Variants in USH2A observed in about 807,000 individuals in gnomAD.
USH2A encodes usherin.
USH2A carries 443 observed loss-of-function variants against 538.9 expected under a neutral mutation model. That is an observed-to-expected ratio of 0.82 (90% CI 0.76 to 0.89). USH2A has a LOEUF of 0.89. Among genes scored for constraint, USH2A ranks in the 40% least tolerant of loss-of-function variants. USH2A has a pLI of 0.00. For missense variants in USH2A, 6,633 were observed against 6,324.8 expected, an observed-to-expected ratio of 1.05 and a Z score of -1.65; for synonymous variants, 2,413 against 2,273.5, an observed-to-expected ratio of 1.06 and a Z score of -1.75.
At chr1:215,820,303 A>T (rs1294483444) in intron 47 of USH2A, among the ~76,000 whole-genome samples, 1 of 151,162 alleles carries the variant, frequency 6.6e-6, no homozygotes, top group African/African-American at 2.4e-5. Context: ...ACACACACAC[A>T]GCCCACATAC....
chr1:215,996,560 GTTTTTTTTTTTTTTTTTTT>G (rs753233925), intron 34 of USH2A, among the ~76,000 whole-genome samples: 5 of 51,718 alleles, frequency 9.7e-5, no homozygotes, highest in Admixed American at 9.6e-4. Flanking sequence ...AACATATTAT[GTTTTTTTTTTTTTTTTTTT>G]TTTTTTTTTT....
At chr1:215,915,298 C>T (rs1311087790) in intron 38 of USH2A, among the ~76,000 whole-genome samples, 1 of 152,050 alleles carries the variant, frequency 6.6e-6, no homozygotes, top group African/African-American at 2.4e-5. Context: ...TAGCTAGCCT[C>T]CTTTCCCTAC....
chr1:216,231,298 G>C (rs557537278), intron 14 of USH2A, among the ~76,000 whole-genome samples: 15 of 71,724 alleles, frequency 2.1e-4, no homozygotes, highest in African/African-American at 2.8e-4. Flanking sequence ...GAGACAGAGA[G>C]AGAGAGAGAG....
chr1:216,316,422 G>A (rs571291952), intron 9 of USH2A, among the ~76,000 whole-genome samples: 1 of 152,218 alleles, frequency 6.6e-6, no homozygotes, highest in East Asian at 1.9e-4. Context: ...CATCAGTTTT[G>A]CTTTAGGAGG....
intron 61 of USH2A, among the ~76,000 whole-genome samples, chr1:215,688,085 G>A (rs945806390): frequency 7.6e-6 from 1 of 132,368 alleles, no homozygotes; most frequent in Non-Finnish European, 1.7e-5. Flanking sequence ...AAGAGTGAAT[G>A]AAATTCTTGA....
intron 49 of USH2A, among the ~76,000 whole-genome samples, chr1:215,812,770 A>C (rs2102792114): frequency 6.7e-6 from 1 of 148,702 alleles, no homozygotes; most frequent in African/African-American, 2.5e-5. Flanking sequence ...ATAAATTGTA[A>C]CTGACAGTGG....
intron 62 of USH2A, among the ~76,000 whole-genome samples, chr1:215,677,218 C>T (rs760856657): frequency 1.3e-5 from 2 of 152,150 alleles, no homozygotes; most frequent in Non-Finnish European, 1.5e-5. Flanking sequence ...TGAAATATCT[C>T]TGTACCTACT....
intron 3 of USH2A, among the ~76,000 whole-genome samples, chr1:216,397,172 A>G (rs913786684): frequency 6.6e-6 from 1 of 152,230 alleles, no homozygotes; most frequent in African/African-American, 2.4e-5. Context: ...TAGTAGAGGA[A>G]CAATTTCAAA....
intron 56 of USH2A, among the ~76,000 whole-genome samples, chr1:215,766,308 T>A (rs1291680863): frequency 6.6e-6 from 1 of 152,190 alleles, no homozygotes; most frequent in South Asian, 2.1e-4. Context: ...CAGATCTTTC[T>A]CCTATCACTT....
intron 4 of USH2A, among the ~76,000 whole-genome samples, chr1:216,335,792 C>T (rs2102671170): frequency 1.3e-5 from 2 of 151,482 alleles, no homozygotes; most frequent in Admixed American, 1.3e-4. Flanking sequence ...TTAAAAATTT[C>T]CACAAAGAAA....
intron 11 of USH2A, among the ~76,000 whole-genome samples, chr1:216,267,493 A>G (rs2036496630): frequency 6.6e-6 from 1 of 152,122 alleles, no homozygotes; most frequent in Non-Finnish European, 1.5e-5. Context: ...AAATGGAAAC[A>G]ATAGCATGTC....
intron 15 of USH2A, among the ~76,000 whole-genome samples, chr1:216,210,857 T>G (rs2035225610): frequency 6.6e-6 from 1 of 152,096 alleles, no homozygotes; most frequent in Admixed American, 6.5e-5. Flanking sequence ...GGCACACACC[T>G]GTAATCCCAG....
intron 36 of USH2A, among the ~76,000 whole-genome samples, chr1:215,967,292 C>T (rs191247848): frequency 9.9e-5 from 15 of 152,234 alleles, no homozygotes; most frequent in Admixed American, 5.9e-4. Context: ...CCTCAGCCTC[C>T]GGAGTAGCTG....
intron 49 of USH2A, among the ~76,000 whole-genome samples, chr1:215,803,923 TACCAAAACAGAGATATAA>T (rs1662415326): frequency 6.6e-6 from 1 of 152,174 alleles, no homozygotes; most frequent in Non-Finnish European, 1.5e-5. Flanking sequence ...ATGGTACTGG[TACCAAAACAGAGATATAA>T]ACCAAAGGAA....
intron 37 of USH2A, among the ~76,000 whole-genome samples, chr1:215,947,795 A>G (rs1248228075): frequency 6.6e-5 from 10 of 152,226 alleles, no homozygotes; most frequent in Admixed American, 6.5e-4. Flanking sequence ...AAAAATTAAT[A>G]CATTTTACTA....
intron 56 of USH2A, among the ~76,000 whole-genome samples, chr1:215,764,966 A>G (rs1338937985): frequency 6.6e-6 from 1 of 151,824 alleles, no homozygotes; most frequent in Non-Finnish European, 1.5e-5. Context: ...TAGAGGAAAG[A>G]TACATAAAGT....
At chr1:216,136,187 C>T (rs1375265052) in intron 21 of USH2A, among the ~76,000 whole-genome samples, 3 of 151,974 alleles carry the variant, frequency 2.0e-5, no homozygotes, top group African/African-American at 7.2e-5. Context: ...TGTCTCCATG[C>T]TAATAATGTC....
chr1:216,160,435 A>G (rs2034033916), intron 21 of USH2A, among the ~76,000 whole-genome samples: 1 of 151,968 alleles, frequency 6.6e-6, no homozygotes, highest in South Asian at 2.1e-4. Context: ...TTAGATTTGG[A>G]GTTCTAGTTT....
At chr1:216,222,089 A>G (rs1276278721) in intron 14 of USH2A, among the ~76,000 whole-genome samples, 1 of 152,196 alleles carries the variant, frequency 6.6e-6, no homozygotes, top group Non-Finnish European at 1.5e-5. Flanking sequence ...TGTATAGGGT[A>G]GAGTTTAACC....
Sources: allele counts gnomAD v4.1 joint callset (sites outside exome capture counted in the v4.1 genomes callset), GRCh38; gene constraint gnomAD v4.1.1; transcripts MANE v1.5; gene names NCBI Gene and HGNC (gene_info 2026-07-23, HGNC 2026-07-21).